The following FGF14 variants were observed in gnomAD, a reference collection of about 807,000 sequenced individuals.
FGF14 encodes the protein fibroblast growth factor 14.
FGF14 carries 5 observed loss-of-function variants against 25.5 expected under a neutral mutation model. The ratio of observed to expected loss-of-function variants is 0.20; its 90% CI spans 0.10 to 0.41. FGF14 has a LOEUF of 0.41. FGF14 is among the 10% of genes least tolerant of loss of function. FGF14 has a pLI of 1.00. For missense variants in FGF14, 222 were observed against 320.1 expected, an observed-to-expected ratio of 0.69 and a Z score of 2.34; for synonymous variants, 138 against 118.3, an observed-to-expected ratio of 1.17 and a Z score of -1.08.
At chr13:102,113,615 T>C (rs2045333838) in intron 1 of FGF14, among the ~76,000 whole-genome samples, 1 of 152,180 alleles carries the variant, frequency 6.6e-6, no homozygotes, top group Non-Finnish European at 1.5e-5. Flanking sequence ...TCAAGGACTA[T>C]CCCCAGACCC....
chr13:101,785,203 T>G (rs1006698142), intron 3 of FGF14, among the ~76,000 whole-genome samples: 2 of 151,944 alleles, frequency 1.3e-5, no homozygotes, highest in African/African-American at 4.8e-5. Context: ...ATTTTAAAAA[T>G]TATATATAGA....
intron 1 of FGF14, among the ~76,000 whole-genome samples, chr13:101,898,068 T>C (rs2030974607): frequency 6.6e-6 from 1 of 151,978 alleles, no homozygotes; most frequent in African/African-American, 2.4e-5. Context: ...ATAATGTTTG[T>C]ATTTTTAGTA....
At chr13:102,354,052 G>A in intron 1 of FGF14, 1 of 156,758 alleles carries the variant, frequency 6.4e-6, no homozygotes. Flanking sequence ...CTCAGGCAAA[G>A]CTGCCTCCCA....
At chr13:102,009,621 A>T in intron 1 of FGF14, among the ~76,000 whole-genome samples, 1 of 152,178 alleles carries the variant, frequency 6.6e-6, no homozygotes, top group East Asian at 1.9e-4. Flanking sequence ...CACCATGAGG[A>T]TACCACCTTG....
intron 3 of FGF14, among the ~76,000 whole-genome samples, chr13:101,797,185 A>C (rs1308505320): frequency 6.6e-6 from 1 of 152,094 alleles, no homozygotes; most frequent in Non-Finnish European, 1.5e-5. Flanking sequence ...ATTTTTCTTG[A>C]ATTACAACAT....
At chr13:101,965,206 G>C in intron 1 of FGF14, among the ~76,000 whole-genome samples, 1 of 150,864 alleles carries the variant, frequency 6.6e-6, no homozygotes, top group Non-Finnish European at 1.5e-5. Context: ...CCGAGATCAA[G>C]TCACTGCACT....
rs1459965882 is a variant in FGF14 at position 101,916,597 on chromosome 13, G to T, written c.49C>A (p.Arg17=). ...SGLIRQKRQA[R]EQHWDRPSAS... is the part of the protein sequence containing the mutation. ...GACGGCCGGTCCCAGTGCTGCTCCCGCGCCTGCCGCTTCTGGCGGATCAAG... is the reference window on the plus strand; with the variant it reads ...GACGGCCGGTCCCAGTGCTGCTCCCTCGCCTGCCGCTTCTGGCGGATCAAG... The change falls in exon 1 of 5, where the codon CGG becomes AGG. Residue 17 remains arginine, a synonymous_variant. Coordinates refer to ENST00000376143, the MANE Select transcript of FGF14 (RefSeq NM_004115.4). 41 of 1,593,114 alleles carry T rather than the reference G, an allele frequency of 2.6e-5. No individual in the cohort carries two copies. Among genetic ancestry groups the T allele is most frequent in the Non-Finnish European group, 3.3e-5 (39 of 1,170,172 alleles).
At chr13:101,988,712 G>T (rs199594493) in intron 1 of FGF14, among the ~76,000 whole-genome samples, 5 of 135,428 alleles carry the variant, frequency 3.7e-5, no homozygotes, top group Non-Finnish European at 6.4e-5. Context: ...GTTGTGGGGT[G>T]GGGGGGAGGG....
chr13:101,879,080 CTTT>C (rs1302407201), intron 1 of FGF14, among the ~76,000 whole-genome samples: 2 of 152,076 alleles, frequency 1.3e-5, no homozygotes, highest in East Asian at 3.9e-4. Context: ...ATGCAAAATA[CTTT>C]TTAACTCATA....
intron 3 of FGF14, among the ~76,000 whole-genome samples, chr13:101,865,244 C>T (rs747770491): frequency 1.3e-5 from 2 of 152,110 alleles, no homozygotes; most frequent in Non-Finnish European, 2.9e-5. Context: ...GGAAGATTTT[C>T]TTAGTCTTTC....
intron 2 of FGF14, among the ~76,000 whole-genome samples, chr13:101,871,447 G>C (rs1336169373): frequency 6.6e-6 from 1 of 152,128 alleles, no homozygotes; most frequent in African/African-American, 2.4e-5. Context: ...AGGACGGTGA[G>C]AACTGCCGTC....
chr13:101,929,538 T>C (rs2034606066), intron 1 of FGF14, among the ~76,000 whole-genome samples: 1 of 152,188 alleles, frequency 6.6e-6, no homozygotes, highest in African/African-American at 2.4e-5. Context: ...CATTAAATAA[T>C]ATTCATGAAG....
intron 1 of FGF14, among the ~76,000 whole-genome samples, chr13:101,906,777 G>C (rs1392069156): frequency 6.6e-6 from 1 of 151,954 alleles, no homozygotes; most frequent in Non-Finnish European, 1.5e-5. Flanking sequence ...AATTAACATA[G>C]AAAAACTAAA....
At chr13:101,988,918 T>G (rs1310985945) in intron 1 of FGF14, among the ~76,000 whole-genome samples, 1 of 152,088 alleles carries the variant, frequency 6.6e-6, no homozygotes, top group East Asian at 1.9e-4. Flanking sequence ...TTGTTTGTTT[T>G]TTTACCCACA....
chr13:101,859,786 T>G (rs2044314803), intron 3 of FGF14, among the ~76,000 whole-genome samples: 1 of 152,058 alleles, frequency 6.6e-6, no homozygotes. Flanking sequence ...ACTGAGCACC[T>G]TGATGTAACT....
At chr13:101,946,650 C>A (rs2035827889) in intron 1 of FGF14, among the ~76,000 whole-genome samples, 2 of 152,192 alleles carry the variant, frequency 1.3e-5, no homozygotes, top group African/African-American at 4.8e-5. Context: ...ACTTCTGGCA[C>A]CATGAACAGT....
intron 1 of FGF14, among the ~76,000 whole-genome samples, chr13:102,063,285 C>T (rs1174815417): frequency 6.6e-6 from 1 of 152,082 alleles, no homozygotes; most frequent in African/African-American, 2.4e-5. Context: ...CTATTTATAA[C>T]ATCTAAACAT....
At chr13:101,800,728 G>A (rs768360355) in intron 3 of FGF14, among the ~76,000 whole-genome samples, 5 of 152,126 alleles carry the variant, frequency 3.3e-5, no homozygotes, top group Non-Finnish European at 5.9e-5. Flanking sequence ...TCAGCTTTAC[G>A]GAGAACATTT....
intron 1 of FGF14, among the ~76,000 whole-genome samples, chr13:102,226,813 T>C (rs1013332563): frequency 4.6e-5 from 7 of 152,182 alleles, no homozygotes; most frequent in East Asian, 3.8e-4. Context: ...CATTTTCTCA[T>C]GAACAGCCAC....
Sources: gnomAD v4.1 joint callset for allele counts (sites outside exome capture counted in the v4.1 genomes callset) on GRCh38, gnomAD v4.1.1 for gene constraint, MANE v1.5 for transcripts, NCBI Gene and HGNC (gene_info 2026-07-23, HGNC 2026-07-21) for gene names.